Variants in AKR1C4 observed in about 807,000 individuals in gnomAD.
The protein encoded by AKR1C4 is 3-alpha-HSD1.
A neutral mutation model predicts 41.0 loss-of-function variants in AKR1C4; 44 were observed. The ratio of observed to expected loss-of-function variants is 1.07; its 90% CI spans 0.84 to 1.38. The LOEUF (loss-of-function observed/expected upper bound fraction) is 1.38. AKR1C4 is among the 40% of genes most tolerant of loss of function. The pLI is 0.00. For missense variants in AKR1C4, 438 were observed against 387.9 expected, an observed-to-expected ratio of 1.13 and a Z score of -1.09; for synonymous variants, 165 against 137.7, an observed-to-expected ratio of 1.20 and a Z score of -1.39.
Position 5,212,928 on chromosome 10 carries a change from T to C in AKR1C4, c.681-66T>C, listed in dbSNP as rs1832600310. ...GGTGCAGAATGAACACCTTAGTCTGTTTAGGGAGCCTCCTACCAAACTGAA... is the reference window on the plus strand; with the variant it reads ...GGTGCAGAATGAACACCTTAGTCTGCTTAGGGAGCCTCCTACCAAACTGAA... On this transcript the variant is annotated intron_variant, in intron 6 of 8. Coordinates refer to ENST00000263126, the MANE Select transcript of AKR1C4 (RefSeq NM_001818.5). 4 of 1,574,582 alleles carry C rather than the reference T, an allele frequency of 2.5e-6. No individual in the cohort carries two copies. The Admixed American group carries it at 5.4e-5, about 21-fold the overall frequency.
At chr10:5,212,056 T>C (rs1832583576) in intron 5 of AKR1C4, among the ~76,000 whole-genome samples, 2 of 152,180 alleles carry the variant, frequency 1.3e-5, no homozygotes. Context: ...AGCTACAAAA[T>C]GAGATTTGGG....
chr10:5,209,668 A>G (rs945974030), intron 5 of AKR1C4, among the ~76,000 whole-genome samples: 1 of 152,234 alleles, frequency 6.6e-6, no homozygotes, highest in Admixed American at 6.5e-5. Context: ...GCAGGCAAAG[A>G]AAGAGCTTGT....
intron 5 of AKR1C4, among the ~76,000 whole-genome samples, chr10:5,208,829 T>C (rs1419365112): frequency 6.6e-6 from 1 of 150,546 alleles, no homozygotes; most frequent in East Asian, 1.9e-4. Flanking sequence ...TTATACCTAA[T>C]AAAAGATGTG....
intron 7 of AKR1C4, among the ~76,000 whole-genome samples, chr10:5,213,770 C>T (rs1464908404): frequency 3.9e-5 from 6 of 152,128 alleles, no homozygotes; most frequent in Non-Finnish European, 5.9e-5. Context: ...GGCTTTCTCA[C>T]GTGTGTGCAG....
In AKR1C4 at chr10:5,218,837, G is replaced by A; in HGVS notation, c.*77G>A. 1.4e-6 allele frequency: 2 copies of A among 1,444,370 alleles called. No homozygotes were observed. The highest frequency in any genetic ancestry group is 1.7e-5 in the Admixed American group (1 of 58,702). The allele number at this position is 1,444,370 out of a possible 1,614,324, so 89.5% of individuals were successfully genotyped here. A position where few individuals can be genotyped will look rare whatever the true frequency, so the allele number is the denominator to read the frequency against. ...ATGCAGAGGATGTCTCTATGCTGGT[G>A]ACTGGACACACAGCCTCTGGTTAAA... On this transcript the variant is annotated 3_prime_UTR_variant, in exon 9 of 9. Coordinates refer to ENST00000263126, the MANE Select transcript of AKR1C4 (RefSeq NM_001818.5).
rs781999620 is a variant in AKR1C4 at position 5,200,302 on chromosome 10, T to C, written c.206T>C (p.Ile69Thr). The stretch of plus-strand genomic sequence containing the variant: ...GTTGGACTGGCCATCCGAAGCAAGA[T>C]TGCAGATGGCAGTGTGAAGAGAGAA... Reference protein sequence around the residue: ...EQVGLAIRSKIADGSVKREDI... With the variant: ...EQVGLAIRSKTADGSVKREDI... The change falls in exon 2 of 9, where the codon ATT becomes ACT. Residue 69 changes from isoleucine (I) to threonine (T), a missense_variant. Physicochemically the swap from Ile to Thr is moderately conservative, Grantham distance 89 (BLOSUM62 -1). Coordinates refer to ENST00000263126, the MANE Select transcript of AKR1C4 (RefSeq NM_001818.5). The C allele has an allele frequency of 4.9e-5, 79 of 1,614,088 alleles. No individual in the cohort carries two copies. Among genetic ancestry groups the C allele is most frequent in the Admixed American group, 1.5e-4 (9 of 60,014 alleles).
At chr10:5,202,461 T>C (rs569238560) in intron 2 of AKR1C4, 2 of 455,826 alleles carry the variant, frequency 4.4e-6, no homozygotes, top group East Asian at 6.9e-5. Context: ...AGCAATACTT[T>C]GGCTTATCCT....
chr10:5,209,896 C>T (rs922282126), intron 5 of AKR1C4, among the ~76,000 whole-genome samples: 2 of 152,140 alleles, frequency 1.3e-5, no homozygotes, highest in Non-Finnish European at 2.9e-5. Flanking sequence ...ATCTCATGTC[C>T]TCACAATTCA....
At chr10:5,212,589 A>G in intron 5 of AKR1C4, 27 bp from the exon 6 acceptor site, 2 of 1,576,960 alleles carry the variant, frequency 1.3e-6, no homozygotes, top group Non-Finnish European at 1.7e-6. Context: ...GAATTATCTG[A>G]TGCTTTTCTC....
intron 5 of AKR1C4, among the ~76,000 whole-genome samples, chr10:5,209,389 C>A (rs1832535954): frequency 6.6e-6 from 1 of 151,858 alleles, no homozygotes; most frequent in Non-Finnish European, 1.5e-5. Flanking sequence ...TTTTACTATT[C>A]TTTACGTTTT....
At chr10:5,212,789 T>A in intron 6 of AKR1C4, 64 bp downstream of exon 6, 3 of 1,533,812 alleles carry the variant, frequency 2.0e-6, no homozygotes, top group Admixed American at 1.8e-5. Flanking sequence ...AGTTATAGCA[T>A]ACTCAGTCTC....
At chr10:5,206,056 G>A (rs1482996387) in intron 4 of AKR1C4, among the ~76,000 whole-genome samples, 1 of 152,228 alleles carries the variant, frequency 6.6e-6, no homozygotes, top group Non-Finnish European at 1.5e-5. Context: ...TATTCCTCCC[G>A]CTCCATGGAC....
chr10:5,207,944 T>C (rs1554797625), intron 5 of AKR1C4, among the ~76,000 whole-genome samples: 2 of 151,794 alleles, frequency 1.3e-5, no homozygotes, highest in Non-Finnish European at 2.9e-5. Context: ...AATGGTCTCT[T>C]CTCCCTAGCC....
At chr10:5,205,924 C>G (rs1832477393) in intron 4 of AKR1C4, 90 bp downstream of exon 4, 2 of 1,280,790 alleles carry the variant, frequency 1.6e-6, no homozygotes, top group East Asian at 2.3e-5. Flanking sequence ...GGAATATGCA[C>G]CATTGGAACT....
chr10:5,209,727 C>T (rs1832541328), intron 5 of AKR1C4, among the ~76,000 whole-genome samples: 1 of 152,126 alleles, frequency 6.6e-6, no homozygotes, highest in Admixed American at 6.5e-5. Context: ...GAGACTTATT[C>T]ACTATCTCAA....
intron 3 of AKR1C4, 82 bp downstream of exon 3, chr10:5,204,575 G>A: frequency 9.2e-7 from 1 of 1,084,482 alleles, no homozygotes; most frequent in Non-Finnish European, 1.4e-6. Context: ...TTCTTCTAAG[G>A]AGGGTGTAGG....
At chr10:5,202,416 G>A (rs1367142596) in intron 2 of AKR1C4, 1 of 447,888 alleles carries the variant, frequency 2.2e-6, no homozygotes, top group Non-Finnish European at 4.5e-6. Context: ...GAGGCTTTGG[G>A]GTTTTGTAGG....
At chr10:5,203,977 T>A (rs1554797186) in intron 2 of AKR1C4, among the ~76,000 whole-genome samples, 1 of 152,218 alleles carries the variant, frequency 6.6e-6, no homozygotes, top group Admixed American at 6.5e-5. Flanking sequence ...AACAGAAGTA[T>A]CTTGAATGAT....
intron 7 of AKR1C4, among the ~76,000 whole-genome samples, chr10:5,215,995 C>T (rs899730392): frequency 7.2e-5 from 11 of 152,100 alleles, no homozygotes; most frequent in South Asian, 2.1e-4. Flanking sequence ...ATAAAGTACC[C>T]GAGGCCAGAT....
Sources: gnomAD v4.1 joint callset for allele counts (sites outside exome capture counted in the v4.1 genomes callset) on GRCh38, gnomAD v4.1.1 for gene constraint, MANE v1.5 for transcripts, NCBI Gene and HGNC (gene_info 2026-07-23, HGNC 2026-07-21) for gene names.